EIF3G: variants seen among roughly 807,000 people sequenced by gnomAD.
The protein encoded by EIF3G is eukaryotic translation initiation factor 3 RNA-binding subunit.
EIF3G carries 10 observed loss-of-function variants against 41.7 expected under a neutral mutation model. The observed-to-expected ratio is 0.24, with a 90% CI of 0.15 to 0.41. EIF3G has a LOEUF of 0.41. Among genes scored for constraint, EIF3G ranks in the 10% least tolerant of loss-of-function variants. The pLI is 1.00. For missense variants in EIF3G, 297 were observed against 444.0 expected (o/e 0.67, Z 2.98); for synonymous variants, 204 against 172.5 (o/e 1.18, Z -1.43).
intron 10 of EIF3G, 65 bp from the exon 11 acceptor site, chr19:10,115,194 G>A: frequency 6.3e-7 from 1 of 1,596,208 alleles, no homozygotes; most frequent in South Asian, 1.1e-5. Flanking sequence ...AGACACCCAA[G>A]TGGCATCTTG....
rs372087131 is a variant in EIF3G at position 10,118,877 on chromosome 19, C to A, written c.231G>T (p.Lys77Asn). Reference sequence around the variant, plus strand: ...CACCCCCCACCCTCACCTTGAACTTCTTGCCATCCTCATCTATCTTGTACT... The same window carrying A: ...CACCCCCCACCCTCACCTTGAACTTATTGCCATCCTCATCTATCTTGTACT... Reference protein sequence around the residue: ...VTEYKIDEDGKKFKIVRTFRI... With the variant: ...VTEYKIDEDGNKFKIVRTFRI... The change falls in exon 4 of 11, where the codon AAG becomes AAT. Residue 77 changes from lysine (K) to asparagine (N), a missense_variant. Lys to Asn is a moderately conservative substitution (Grantham distance 94). Transcript: ENST00000253108. 5.6e-6 allele frequency: 9 copies of A among 1,613,564 alleles called. No homozygotes were observed. In the African/African-American group the frequency reaches 1.2e-4, roughly 22 times the overall value.
In EIF3G at chr19:10,118,954, G is replaced by A. The variant is rs1008182740; in HGVS notation, c.154C>T (p.Pro52Ser). 2 of 1,614,130 alleles carry A rather than the reference G, an allele frequency of 1.2e-6. No individual in the cohort carries two copies. The highest frequency in any genetic ancestry group is 1.3e-5 in the African/African-American group (1 of 75,040). Reference sequence around the variant, plus strand: ...ATGACCTCCTTGGGAGGCGGCAGTGGAGCTGGCAGAAGGGGAAAAACAGAG... The same window carrying A: ...ATGACCTCCTTGGGAGGCGGCAGTGAAGCTGGCAGAAGGGGAAAAACAGAG... ...SPEPELLPGA[P>S]LPPPKEVING... Residue 52 changes from proline to serine, a missense_variant and splice_region_variant, in exon 4 of 11, where the codon CCA becomes TCA. Coordinates refer to ENST00000253108, the MANE Select transcript of EIF3G (RefSeq NM_003755.5).
chr19:10,119,453 G>C lies in EIF3G; in HGVS notation c.67+201C>G, dbSNP rs766019463. 1.4e-5 allele frequency: 11 copies of C among 767,044 alleles called. No individual in the cohort carries two copies. In the South Asian group the frequency reaches 1.6e-4, roughly 11 times the overall value. 47.5% of individuals were successfully genotyped at this position (767,044 alleles called of 1,614,324 possible). ...ACAACTTCCTCCCTGGAGGGGAACA[G>C]CTGGGAGGCAGTGGCATGGGAGGAA... On this transcript the variant is annotated intron_variant, in intron 2 of 10. Coordinates refer to ENST00000253108, the MANE Select transcript of EIF3G (RefSeq NM_003755.5).
At chr19:10,119,487 C>T (rs1175085556) in intron 2 of EIF3G, 167 bp downstream of exon 2, 1 of 905,910 alleles carries the variant, frequency 1.1e-6, no homozygotes, top group Non-Finnish European at 1.8e-6. Flanking sequence ...AAGAGGGACC[C>T]GCCGGGGAAC....
chr19:10,117,352 C>T, intron 5 of EIF3G, 164 bp from the exon 6 acceptor site: 1 of 600,944 alleles, frequency 1.7e-6, no homozygotes, highest in Non-Finnish European at 2.9e-6. Context: ...CAGTTGTTTC[C>T]TGAGTACACG....
chr19:10,119,606 A>G (rs960882453), intron 2 of EIF3G, 48 bp downstream of exon 2: 1 of 1,552,484 alleles, frequency 6.4e-7, no homozygotes, highest in Non-Finnish European at 8.7e-7. Flanking sequence ...CGGCAGTCAC[A>G]CGGCTTGGGC....
intron 2 of EIF3G, 81 bp downstream of exon 2, chr19:10,119,573 C>A: frequency 6.7e-7 from 1 of 1,500,456 alleles, no homozygotes. Context: ...GTACACGGTG[C>A]CAGACTGGGA....
intron 5 of EIF3G, among the ~76,000 whole-genome samples, chr19:10,117,813 TGA>T (rs2089272488): frequency 6.6e-6 from 1 of 152,188 alleles, no homozygotes; most frequent in South Asian, 2.1e-4. Flanking sequence ...CCCAGCACTT[TGA>T]GAGGCGAAGG....
intron 2 of EIF3G, chr19:10,119,402 A>G (rs762523683): frequency 9.4e-6 from 7 of 746,530 alleles, no homozygotes; most frequent in Non-Finnish European, 1.4e-5. Context: ...ACCAGGCGCC[A>G]GTAGAGAAAC....
In EIF3G at chr19:10,116,785, C is replaced by G. The variant is rs746516276; in HGVS notation, c.595+15G>C. 21 of 1,560,862 alleles carry G rather than the reference C, an allele frequency of 1.3e-5. No individual in the cohort carries two copies. The highest frequency in any genetic ancestry group is 1.8e-5 in the Non-Finnish European group (21 of 1,151,898). ...GAACCCGTGCACTGACAGCAGGACCCTCCCACCCCCACACCTCCCGGCAGC... is the reference window on the plus strand; with the variant it reads ...GAACCCGTGCACTGACAGCAGGACCGTCCCACCCCCACACCTCCCGGCAGC... On this transcript the variant is annotated intron_variant, in intron 7 of 10. Transcript: ENST00000253108. The surrounding 1 kb of genome is among the most constrained non-coding windows in gnomAD (Gnocchi z 4.1).
chr19:10,119,898 A>G lies in EIF3G; in HGVS notation c.-39T>C, dbSNP rs2089292493. On this transcript the variant is annotated 5_prime_UTR_variant, in exon 1 of 11. Transcript: ENST00000253108. ...CTCCACGCAGCCCAAGCCCGGCCAG[A>G]GAGCGGAAGCGGGCGAAAACGAGAC... The G allele has an allele frequency of 1.9e-6, 3 of 1,614,026 alleles. No individual in the cohort carries two copies. The highest frequency in any genetic ancestry group is 2.5e-6 in the Non-Finnish European group (3 of 1,180,026).
In EIF3G at chr19:10,119,398, C is replaced by T. The variant is rs796686981; in HGVS notation, c.68-227G>A. ...GTGCCAGGCCATGAAGCCAACCAGG[C>T]GCCAGTAGAGAAACAGGAGACGGGA... On this transcript the variant is annotated intron_variant, in intron 2 of 10. Coordinates refer to ENST00000253108, the MANE Select transcript of EIF3G (RefSeq NM_003755.5). 1.5e-5 allele frequency: 11 copies of T among 747,032 alleles called. No individual in the cohort carries two copies. In the African/African-American group the frequency reaches 1.9e-4, roughly 13 times the overall value. The allele number at this position is 747,032 out of a possible 1,614,324, so 46.3% of individuals were successfully genotyped here. A position where few individuals can be genotyped will look rare whatever the true frequency, so the allele number is the denominator to read the frequency against.
In EIF3G at chr19:10,118,926, T is replaced by C; in HGVS notation, c.182A>G (p.Asn61Ser). The change falls in exon 4 of 11, where the codon AAC becomes AGC. Residue 61 changes from asparagine (N) to serine (S), a missense_variant. By Grantham distance (46) the Asn-to-Ser change is conservative. Coordinates refer to ENST00000253108, the MANE Select transcript of EIF3G (RefSeq NM_003755.5). ...CTCTGTCACTGTCTTTATGTTTCCG[T>C]TGATGACCTCCTTGGGAGGCGGCAG... is the stretch of plus-strand genomic sequence containing the variant. ...APLPPPKEVI[N>S]GNIKTVTEYK... is the part of the protein sequence containing the mutation. 1 of 1,614,020 alleles carries C rather than the reference T, an allele frequency of 6.2e-7. No individual in the cohort carries two copies. Among genetic ancestry groups the C allele is most frequent in the Non-Finnish European group, 8.5e-7 (1 of 1,179,984 alleles).
chr19:10,119,493 G>C, intron 2 of EIF3G, 161 bp downstream of exon 2: 1 of 932,766 alleles, frequency 1.1e-6, no homozygotes, highest in Non-Finnish European at 1.7e-6. Flanking sequence ...GACCCGCCGG[G>C]GAACACCTGG....
intron 8 of EIF3G, 42 bp downstream of exon 8, chr19:10,115,915 CGAGGTGCCGG>C (rs1234394328): frequency 7.5e-6 from 12 of 1,605,420 alleles, no homozygotes; most frequent in Non-Finnish European, 8.5e-6. Context: ...GGGATAATTA[CGAGGTGCCGG>C]GAGGTGCCCA....
intron 2 of EIF3G, chr19:10,119,422 G>A: frequency 2.7e-6 from 2 of 750,828 alleles, no homozygotes; most frequent in Non-Finnish European, 4.7e-6. Flanking sequence ...CAGGAGACGG[G>A]AGATTACAAC....
At position 10,115,664 on chromosome 19, in the gene EIF3G, G is replaced by C; in HGVS notation, c.840+20C>G. On this transcript the variant is annotated intron_variant, in intron 9 of 10. Coordinates refer to ENST00000253108, the MANE Select transcript of EIF3G (RefSeq NM_003755.5). ...CAAGTGACCCTCACACAGCCCCACC[G>C]TGCCTGCCTGCCTGCCCACCTTGGA... 2 of 1,612,360 alleles carry C rather than the reference G, an allele frequency of 1.2e-6. No homozygotes were observed. Among genetic ancestry groups the C allele is most frequent in the Non-Finnish European group, 8.5e-7 (1 of 1,178,704 alleles).
At chr19:10,115,923 C>T (rs757556891) in intron 8 of EIF3G, 44 bp downstream of exon 8, 39 of 1,606,562 alleles carry the variant, frequency 2.4e-5, no homozygotes, top group East Asian at 2.2e-4. Flanking sequence ...TACGAGGTGC[C>T]GGGAGGTGCC....
chr19:10,119,749 G>C, intron 1 of EIF3G, 49 bp from the exon 2 acceptor site: 2 of 1,612,978 alleles, frequency 1.2e-6, no homozygotes, highest in Non-Finnish European at 1.7e-6. Flanking sequence ...GCCAGGCCCG[G>C]CTCCCGCAGC....
Sources: allele counts gnomAD v4.1 joint callset (sites outside exome capture counted in the v4.1 genomes callset), GRCh38; gene constraint gnomAD v4.1.1; non-coding constraint Gnocchi (gnomAD v3.1); transcripts MANE v1.5; gene names NCBI Gene and HGNC (gene_info 2026-07-23, HGNC 2026-07-21).